Variants in CD63 observed in about 807,000 individuals in gnomAD.
CD63 encodes the protein CD63 antigen.
In CD63, 16 loss-of-function variants were observed where a neutral mutation model predicts 29.2. That is an observed-to-expected ratio of 0.55 (90% CI 0.37 to 0.83). The LOEUF is 0.83. Ranked by LOEUF, CD63 falls within the 40% of genes least tolerant of loss-of-function variation. CD63 has a pLI of 0.00. For synonymous variants in CD63, 118 were observed against 111.7 expected (o/e 1.06, Z -0.36); for missense variants, 251 against 297.3 (o/e 0.84, Z 1.15).
downstream of CD63, chr12:55,724,257 G>A (rs2096169539): frequency 3.2e-6 from 5 of 1,584,884 alleles, no homozygotes; most frequent in Non-Finnish European, 4.3e-6. Flanking sequence ...GGCCCCAGAA[G>A]ACAGTACCTA....
At chr12:55,726,304 A>ACCTTCACC (rs753478955) in intron 5 of CD63, 43 bp from the exon 6 acceptor site, 2 of 1,315,562 alleles carry the variant, frequency 1.5e-6, no homozygotes, top group African/African-American at 3.1e-5. Flanking sequence ...TGTTAAGTGA[A>ACCTTCACC]CCTTCACCTT....
intron 3 of CD63, 53 bp from the exon 4 acceptor site, chr12:55,727,017 C>T (rs1260621078): frequency 1.9e-6 from 3 of 1,590,176 alleles, no homozygotes; most frequent in Non-Finnish European, 1.7e-6. Flanking sequence ...TTACAGGGGC[C>T]CGTTTTGGCA....
chr12:55,727,655 T>C, intron 2 of CD63: 1 of 1,108,236 alleles, frequency 9.0e-7, no homozygotes, highest in South Asian at 3.1e-5. Context: ...CCCAGCTCAA[T>C]TCTCTCCCAG....
Position 55,728,430 on chromosome 12 carries a change from G to GA in CD63, c.-11-79dup. 6.5e-7 allele frequency: 1 copy of GA among 1,541,548 alleles called. No individual in the cohort carries two copies. The highest frequency in any genetic ancestry group is 8.7e-7 in the Non-Finnish European group (1 of 1,143,828). On this transcript the variant is annotated intron_variant, in intron 1 of 7. Transcript: ENST00000257857. This position sits in a 1 kb window ranked among gnomAD's most constrained non-coding sequence, Gnocchi z 4.8. ...GTTTCCGGGCTCCCGGCCGGCCCTC[G>GA]AGGGCTTCCCTTCACGGCCCCGATT...
chr12:55,727,434 C>G, intron 2 of CD63, 95 bp from the exon 3 acceptor site: 3 of 1,316,560 alleles, frequency 2.3e-6, no homozygotes, highest in Non-Finnish European at 3.1e-6. Context: ...CAGACTTGAC[C>G]CCATCCGGAA....
rs780083383 is a variant in CD63, at chr12:55,725,594, C to T, written c.684G>A (p.Val228=). ...CCTCGTAGCCACTTCTGATACTCTT[C>T]ACGAGGCAGCAGGCAAAGACAATTC... ...VLGIVFACCL[V]KSIRSGYEVM Residue 228 remains valine, a synonymous_variant, in exon 8 of 8, where the codon GTG becomes GTA. Transcript: ENST00000257857. The T allele has an allele frequency of 6.8e-6, 11 of 1,614,132 alleles. No homozygotes were observed. Among genetic ancestry groups the T allele is most frequent in the Non-Finnish European group, 9.3e-6 (11 of 1,180,028 alleles).
In CD63 at chr12:55,725,437, A is replaced by G; in HGVS notation, c.*124T>C. 1 of 799,986 alleles carries G rather than the reference A, an allele frequency of 1.3e-6. No individual in the cohort carries two copies. Among genetic ancestry groups the G allele is most frequent in the East Asian group, 2.5e-5 (1 of 40,752 alleles). 49.6% of individuals were successfully genotyped at this position (799,986 alleles called of 1,614,324 possible). ...ACATCAGTAAGGAAAGGAAGGAATC[A>G]AGCATCACTCTAAGACAAACTCAGA... On this transcript the variant is annotated 3_prime_UTR_variant, in exon 8 of 8. Coordinates refer to ENST00000257857, the MANE Select transcript of CD63 (RefSeq NM_001780.6).
downstream of CD63, chr12:55,724,034 G>A: frequency 5.0e-6 from 8 of 1,610,882 alleles, no homozygotes; most frequent in South Asian, 5.5e-5. Flanking sequence ...CTATGGGGGG[G>A]CCTTCCTCAC....
Position 55,728,259 on chromosome 12 carries a change from G to A in CD63, c.66+17C>T, listed in dbSNP as rs1487925192. 1.9e-6 allele frequency: 3 copies of A among 1,603,602 alleles called. No individual in the cohort carries two copies. Among genetic ancestry groups the A allele is most frequent in the East Asian group, 2.2e-5 (1 of 44,622 alleles). ...CGCACCCTGCCGGCGCGCCCCCCAG[G>A]ACCCCTCGCCACTCACGCAAAAGGC... On this transcript the variant is annotated intron_variant, in intron 2 of 7. Coordinates refer to ENST00000257857, the MANE Select transcript of CD63 (RefSeq NM_001780.6). This position sits in a 1 kb window ranked among gnomAD's most constrained non-coding sequence, Gnocchi z 4.8.
chr12:55,723,775 A>G (rs979175345), downstream of CD63: 3 of 1,295,288 alleles, frequency 2.3e-6, no homozygotes, highest in African/African-American at 4.4e-5. Flanking sequence ...ATCTCCGTCA[A>G]AACTCTTGTC....
rs1167553867 is a variant in CD63 at position 55,728,507 on chromosome 12, C to T, written c.-11-155G>A. ...CGGTCGGATCCACGTCTCCCAGCCC[C>T]CTCTTTACCCGCAGGAGAGGGGTGG... On this transcript the variant is annotated intron_variant, in intron 1 of 7. Transcript: ENST00000257857. This position sits in a 1 kb window ranked among gnomAD's most constrained non-coding sequence, Gnocchi z 4.8. 1.4e-6 allele frequency: 2 copies of T among 1,461,876 alleles called. No homozygotes were observed. The highest frequency in any genetic ancestry group is 2.5e-5 in the East Asian group (1 of 40,154). 90.6% of individuals were successfully genotyped at this position (1,461,876 alleles called of 1,614,324 possible).
intron 3 of CD63, 30 bp downstream of exon 3, chr12:55,727,121 C>A (rs568319805): frequency 1.4e-5 from 23 of 1,602,002 alleles, no homozygotes; most frequent in South Asian, 3.3e-5. Context: ...CAGTCCCAGA[C>A]CGCCCATGTT....
rs775067843 is a variant in CD63 at position 55,728,250 on chromosome 12, G to GC, written c.66+25dup. The GC allele has an allele frequency of 2.5e-6, 4 of 1,593,070 alleles. No homozygotes were observed. Among genetic ancestry groups the GC allele is most frequent in the South Asian group, 1.1e-5 (1 of 88,628 alleles). ...AGGTCTCCCCGCACCCTGCCGGCGCGCCCCCCAGGACCCCTCGCCACTCAC... is the reference window on the plus strand; with the variant it reads ...AGGTCTCCCCGCACCCTGCCGGCGCGCCCCCCCAGGACCCCTCGCCACTCAC... On this transcript the variant is annotated intron_variant, in intron 2 of 7. Coordinates refer to ENST00000257857, the MANE Select transcript of CD63 (RefSeq NM_001780.6). This position sits in a 1 kb window ranked among gnomAD's most constrained non-coding sequence, Gnocchi z 4.8.
chr12:55,729,255 G>A (rs1375035634), upstream of CD63: 2 of 612,158 alleles, frequency 3.3e-6, no homozygotes, highest in African/African-American at 4.0e-5. Flanking sequence ...ACCTCGGGGC[G>A]CCTGGGGCCC....
At chr12:55,727,500 C>T in intron 2 of CD63, 161 bp from the exon 3 acceptor site, 1 of 1,184,204 alleles carries the variant, frequency 8.4e-7, no homozygotes, top group Non-Finnish European at 1.1e-6. Context: ...GGGGATGACC[C>T]ATCCTTGCCT....
At chr12:55,727,466 G>A in intron 2 of CD63, 127 bp from the exon 3 acceptor site, 1 of 1,211,722 alleles carries the variant, frequency 8.3e-7, no homozygotes, top group Non-Finnish European at 1.1e-6. Context: ...ACACCTCTAG[G>A]GAATTTCTTT....
chr12:55,727,058 T>C, intron 3 of CD63, 93 bp downstream of exon 3: 1 of 1,563,498 alleles, frequency 6.4e-7, no homozygotes, highest in Non-Finnish European at 8.8e-7. Context: ...ACAAAGGTCT[T>C]CCTCACCCAC....
downstream of CD63, chr12:55,724,509 C>G: frequency 1.2e-6 from 2 of 1,613,096 alleles, no homozygotes. Flanking sequence ...CTGTGCTCAC[C>G]TGGGTCCTTC....
chr12:55,727,716 T>TGA, intron 2 of CD63: 2 of 1,022,462 alleles, frequency 2.0e-6, no homozygotes, highest in Non-Finnish European at 2.3e-6. Context: ...GCATCAGCTG[T>TGA]GACTAAGGTT....
Sources: gnomAD v4.1 joint callset for allele counts on GRCh38, gnomAD v4.1.1 for gene constraint, Gnocchi (gnomAD v3.1) non-coding constraint, MANE v1.5 for transcripts, NCBI Gene and HGNC (gene_info 2026-07-23, HGNC 2026-07-21) for gene names.